Variants in PTPRM observed in about 807,000 individuals in gnomAD.
PTPRM encodes the protein protein tyrosine phosphatase receptor type M.
PTPRM carries 47 observed loss-of-function variants against 186.7 expected under a neutral mutation model. That is an observed-to-expected ratio of 0.25 (90% CI 0.20 to 0.32). PTPRM has a LOEUF of 0.32. PTPRM is among the 10% of genes least tolerant of loss of function. The pLI, the probability that PTPRM is intolerant of heterozygous loss-of-function variation, is 1.00. For missense variants in PTPRM, 1,494 were observed against 1,865.0 expected, an observed-to-expected ratio of 0.80 and a Z score of 3.66; for synonymous variants, 668 against 674.9, an observed-to-expected ratio of 0.99 and a Z score of 0.16.
chr18:8,405,834 T>C (rs781477374), intron 32 of PTPRM, among the ~76,000 whole-genome samples: 3 of 152,202 alleles, frequency 2.0e-5, no homozygotes, highest in Non-Finnish European at 1.5e-5. Flanking sequence ...GGAAAATACA[T>C]GTGTGGACAA....
In PTPRM at chr18:7,686,942, A is replaced by G. The variant is rs145032122; in HGVS notation, c.74-87207A>G. On this transcript the variant is annotated intron_variant, in intron 1 of 32. Coordinates refer to ENST00000580170, the MANE Select transcript of PTPRM (RefSeq NM_001105244.2). The stretch of plus-strand genomic sequence containing the variant: ...TGACATCAGAGAGAAAGCTCCTGAA[A>G]GAAGTAATAGTTTCAAAAAGATTTT... 3.0e-3 allele frequency among the ~76,000 whole-genome samples: 451 copies of G among 152,338 alleles called. 4 individuals carry two copies. The highest frequency in any genetic ancestry group is 0.017 in the Middle Eastern group (5 of 294).
At chr18:7,712,498 A>T (rs1055278730) in intron 1 of PTPRM, among the ~76,000 whole-genome samples, 1 of 152,110 alleles carries the variant, frequency 6.6e-6, no homozygotes, top group African/African-American at 2.4e-5. Context: ...GCAAGGGAAC[A>T]AAACTGGATG....
chr18:7,940,868 G>A (rs756989450), intron 5 of PTPRM, among the ~76,000 whole-genome samples: 33 of 149,528 alleles, frequency 2.2e-4, no homozygotes, highest in Non-Finnish European at 4.4e-4. Context: ...ATATTCCTAG[G>A]TTTGGATGCA....
intron 2 of PTPRM, among the ~76,000 whole-genome samples, chr18:7,880,534 A>G (rs1224884553): frequency 6.6e-6 from 1 of 152,200 alleles, no homozygotes; most frequent in African/African-American, 2.4e-5. Context: ...GCAGTAGCTT[A>G]GGAGGGATAT....
At chr18:8,252,447 T>A in intron 17 of PTPRM, 41 bp from the exon 18 acceptor site, 1 of 1,507,478 alleles carries the variant, frequency 6.6e-7, no homozygotes, top group Non-Finnish European at 9.2e-7. Flanking sequence ...CTGTTTCCTT[T>A]TTCTCCTCCT....
chr18:8,147,314 C>G (rs1312733144), intron 14 of PTPRM, among the ~76,000 whole-genome samples: 6 of 152,128 alleles, frequency 3.9e-5, no homozygotes, highest in Non-Finnish European at 5.9e-5. Flanking sequence ...TGTGTCCTCT[C>G]TTATTTCCTT....
At chr18:7,972,697 T>C (rs1879030527) in intron 7 of PTPRM, among the ~76,000 whole-genome samples, 1 of 152,114 alleles carries the variant, frequency 6.6e-6, no homozygotes, top group Non-Finnish European at 1.5e-5. Context: ...TACTTGTTAA[T>C]GTTTATATCT....
intron 6 of PTPRM, among the ~76,000 whole-genome samples, chr18:7,953,913 T>C (rs2053141604): frequency 1.3e-5 from 2 of 152,282 alleles, no homozygotes; most frequent in East Asian, 1.9e-4. Context: ...TCCGTGCATT[T>C]GTATGAGCAA....
At chr18:8,376,223 T>C in intron 25 of PTPRM, 23 bp downstream of exon 25, 1 of 1,603,462 alleles carries the variant, frequency 6.2e-7, no homozygotes, top group Non-Finnish European at 8.5e-7. Context: ...CCAGAGCCTC[T>C]TGAAGGAAAC....
rs182512627 is a variant in PTPRM at position 8,248,376 on chromosome 18, G to C, written c.2554+200G>C. On this transcript the variant is annotated intron_variant, in intron 17 of 32. Transcript: ENST00000580170. ...CAGTCGCCATTAATAAGAGGGGTTT[G>C]CTGCATGTATCTTGGGGATGATACC... is the stretch of plus-strand genomic sequence containing the variant. 31 of 667,828 alleles carry C rather than the reference G, an allele frequency of 4.6e-5. No homozygotes were observed. The East Asian group carries it at 8.6e-4, about 19-fold the overall frequency. The allele number at this position is 667,828 out of a possible 1,614,324, so 41.4% of individuals were successfully genotyped here. A position where few individuals can be genotyped will look rare whatever the true frequency, so the allele number is the denominator to read the frequency against.
chr18:8,129,168 A>T (rs182204649), intron 13 of PTPRM, among the ~76,000 whole-genome samples: 7 of 152,232 alleles, frequency 4.6e-5, no homozygotes, highest in African/African-American at 9.6e-5. Flanking sequence ...AGATTTTTGC[A>T]TGAAAGATTT....
At chr18:7,570,393 T>C (rs1285970258) in intron 1 of PTPRM, among the ~76,000 whole-genome samples, 1 of 152,192 alleles carries the variant, frequency 6.6e-6, no homozygotes, top group Non-Finnish European at 1.5e-5. Flanking sequence ...CCAGAAGAGC[T>C]AGATTGTAAG....
At chr18:8,243,987 G>A in intron 14 of PTPRM, 71 bp from the exon 15 acceptor site, 2 of 1,420,990 alleles carry the variant, frequency 1.4e-6, no homozygotes, top group South Asian at 2.6e-5. Context: ...CTGAACATCT[G>A]TCAATATACA....
Position 8,333,373 on chromosome 18 carries a change from C to G in PTPRM, c.2957-10050C>G, listed in dbSNP as rs545675233. Among the ~76,000 whole-genome samples, 6 of 152,328 alleles carry G rather than the reference C, an allele frequency of 3.9e-5. 1 individual carries two copies. The South Asian group carries it at 1.2e-3, about 32-fold the overall frequency. Reference sequence around the variant, plus strand: ...TGTCACTGTTACCACTTCTGTGACACATGAGGCAGATTCAGTTTGTAAAGC... The same window carrying G: ...TGTCACTGTTACCACTTCTGTGACAGATGAGGCAGATTCAGTTTGTAAAGC... On this transcript the variant is annotated intron_variant, in intron 22 of 32. Transcript: ENST00000580170.
intron 14 of PTPRM, among the ~76,000 whole-genome samples, chr18:8,163,790 A>T (rs1017873680): frequency 1.6e-4 from 25 of 152,204 alleles, no homozygotes; most frequent in Admixed American, 1.6e-3. Flanking sequence ...ATTTTCAAGT[A>T]CTTTTTCCTA....
At chr18:8,346,004 G>A (rs1297733567) in intron 23 of PTPRM, among the ~76,000 whole-genome samples, 1 of 152,220 alleles carries the variant, frequency 6.6e-6, no homozygotes, top group Non-Finnish European at 1.5e-5. Flanking sequence ...GGGCTATTAT[G>A]CAAAGTTTAA....
intron 1 of PTPRM, among the ~76,000 whole-genome samples, chr18:7,635,214 A>C (rs896370258): frequency 1.1e-4 from 17 of 152,316 alleles, no homozygotes; most frequent in African/African-American, 3.8e-4. Context: ...GTATAGAAAA[A>C]CAGAAGAAAA....
chr18:7,602,683 G>A (rs1279211868), intron 1 of PTPRM, among the ~76,000 whole-genome samples: 2 of 151,244 alleles, frequency 1.3e-5, no homozygotes, highest in Non-Finnish European at 2.9e-5. Flanking sequence ...TTACTATAGA[G>A]CTTTATAGAA....
At chr18:8,203,766 G>A (rs1004340101) in intron 14 of PTPRM, among the ~76,000 whole-genome samples, 1 of 152,142 alleles carries the variant, frequency 6.6e-6, no homozygotes, top group Non-Finnish European at 1.5e-5. Context: ...ACACACACAT[G>A]CATAGTGAAA....
Sources: allele counts gnomAD v4.1 joint callset (sites outside exome capture counted in the v4.1 genomes callset), GRCh38; gene constraint gnomAD v4.1.1; transcripts MANE v1.5; gene names NCBI Gene and HGNC (gene_info 2026-07-23, HGNC 2026-07-21).